THEMIS: variants seen among roughly 807,000 people sequenced by gnomAD.
The protein encoded by THEMIS is thymocyte selection associated.
In THEMIS, 37 loss-of-function variants were observed where a neutral mutation model predicts 52.6. The observed-to-expected ratio is 0.70, with a 90% confidence interval of 0.54 to 0.93. The LOEUF is 0.93. Ranked by LOEUF, THEMIS falls within the 40% of genes least tolerant of loss-of-function variation. The probability of loss-of-function intolerance (pLI) is 0.00; values close to 1 mark genes in which losing one functional copy is unlikely to be tolerated. For missense variants in THEMIS, 808 were observed against 763.1 expected (o/e 1.06, Z -0.69); for synonymous variants, 292 against 272.7 (o/e 1.07, Z -0.70).
At chr6:127,811,557 T>G (rs1053367128) in intron 4 of THEMIS, among the ~76,000 whole-genome samples, 1 of 152,226 alleles carries the variant, frequency 6.6e-6, no homozygotes, top group Non-Finnish European at 1.5e-5. Context: ...CTTGATGTCC[T>G]TAATTTTAAG....
At chr6:127,749,819 C>T (rs1027471639) in intron 4 of THEMIS, among the ~76,000 whole-genome samples, 10 of 151,144 alleles carry the variant, frequency 6.6e-5, no homozygotes, top group African/African-American at 2.4e-4. Flanking sequence ...CAAAATACAT[C>T]CTAGAGAATT....
At chr6:127,757,644 G>A (rs147057660) in intron 4 of THEMIS, among the ~76,000 whole-genome samples, 3,949 of 152,084 alleles carry the variant, frequency 0.026, 184 homozygotes, top group African/African-American at 0.091. Context: ...CACCACGCCC[G>A]GCTAGATTTT....
chr6:127,764,441 T>C (rs994715785), intron 4 of THEMIS, among the ~76,000 whole-genome samples: 1 of 151,946 alleles, frequency 6.6e-6, no homozygotes, highest in African/African-American at 2.4e-5. Context: ...ACTCCTATAA[T>C]CAATAAGAAT....
chr6:127,855,248 G>T, intron 1 of THEMIS, 60 bp from the exon 2 acceptor site: 2 of 1,371,882 alleles, frequency 1.5e-6, no homozygotes, highest in Non-Finnish European at 2.0e-6. Flanking sequence ...AAACAAAGTA[G>T]ACTCAAAAGC....
At chr6:127,916,041 C>G (rs1296076391) in intron 1 of THEMIS, among the ~76,000 whole-genome samples, 1 of 151,866 alleles carries the variant, frequency 6.6e-6, no homozygotes, top group Non-Finnish European at 1.5e-5. Context: ...CCCCCTAAAA[C>G]TAGGTGTCAG....
At chr6:127,898,851 G>T (rs1781049500) in intron 1 of THEMIS, among the ~76,000 whole-genome samples, 1 of 151,902 alleles carries the variant, frequency 6.6e-6, no homozygotes, top group South Asian at 2.1e-4. Flanking sequence ...ATTAGGTTAA[G>T]TGAAATAAGC....
At chr6:127,916,224 T>C (rs1223736519) in intron 1 of THEMIS, among the ~76,000 whole-genome samples, 1 of 151,700 alleles carries the variant, frequency 6.6e-6, no homozygotes, top group African/African-American at 2.4e-5. Flanking sequence ...ACCTAGGGAA[T>C]GAGTTAGAAA....
chr6:127,702,370 G>A, the THEMIS span, among the ~76,000 whole-genome samples: 1 of 151,980 alleles, frequency 6.6e-6, no homozygotes, highest in Admixed American at 6.5e-5. Flanking sequence ...CTGAAATTTT[G>A]TATTATTTGT....
intron 1 of THEMIS, among the ~76,000 whole-genome samples, chr6:127,899,510 T>G (rs1036571777): frequency 3.3e-5 from 5 of 151,880 alleles, no homozygotes; most frequent in African/African-American, 1.2e-4. Context: ...GCGGAAAGAT[T>G]GTCAGCTTAG....
At chr6:127,772,901 C>T (rs1414232127) in intron 4 of THEMIS, among the ~76,000 whole-genome samples, 8 of 152,112 alleles carry the variant, frequency 5.3e-5, no homozygotes, top group East Asian at 1.9e-4. Flanking sequence ...AGAATATTAA[C>T]ATTTGTTTAT....
intron 4 of THEMIS, among the ~76,000 whole-genome samples, chr6:127,761,953 C>A (rs1776036226): frequency 6.6e-6 from 1 of 152,092 alleles, no homozygotes; most frequent in Admixed American, 6.6e-5. Flanking sequence ...AGGAGCACTT[C>A]TATGTTCGTT....
At chr6:127,880,512 GA>G (rs35918303) in intron 1 of THEMIS, among the ~76,000 whole-genome samples, 5,497 of 108,682 alleles carry the variant, frequency 0.051, 150 homozygotes, top group Non-Finnish European at 0.067. Context: ...GAGTCCTGAG[GA>G]AAAAAAAAAA....
rs117716538 is a variant in THEMIS at position 127,870,152 on chromosome 6, C to G, written c.92-14964G>C. Among the ~76,000 whole-genome samples, 167 of 152,330 alleles carry G rather than the reference C, an allele frequency of 1.1e-3. 2 individuals carry two copies. In the East Asian group the frequency reaches 0.03, roughly 27 times the overall value. ...TTTCTCCTTCCCACTGAGGTGATGT[C>G]AGAGGATCTACTGAAAAATCAGGGA... On this transcript the variant is annotated intron_variant, in intron 1 of 5. Coordinates refer to ENST00000368248, the MANE Select transcript of THEMIS (RefSeq NM_001010923.3).
intron 1 of THEMIS, among the ~76,000 whole-genome samples, chr6:127,895,531 T>G (rs1780938697): frequency 6.6e-6 from 1 of 151,446 alleles, no homozygotes; most frequent in Non-Finnish European, 1.5e-5. Flanking sequence ...AATATAGCAA[T>G]ATATATATAC....
intron 4 of THEMIS, among the ~76,000 whole-genome samples, chr6:127,788,810 A>G (rs982972175): frequency 2.0e-5 from 3 of 152,204 alleles, no homozygotes; most frequent in African/African-American, 7.2e-5. Context: ...AATATTACAT[A>G]AATACAATGA....
Position 127,813,922 on chromosome 6 carries a change from T to G in THEMIS, c.719A>C (p.Asp240Ala). 6.5e-7 allele frequency: 1 copy of G among 1,544,582 alleles called. No individual in the cohort carries two copies. Among genetic ancestry groups the G allele is most frequent in the Non-Finnish European group, 8.7e-7 (1 of 1,150,204 alleles). The change falls in exon 4 of 6, where the codon GAT becomes GCT. Residue 240 changes from aspartate to alanine, a missense_variant. Asp to Ala is a moderately radical substitution (Grantham distance 126). Coordinates refer to ENST00000368248, the MANE Select transcript of THEMIS (RefSeq NM_001010923.3). ...EIQGVMKFRK[D>A]IIRILPSLDV... Reference sequence around the variant, plus strand: ...TAGACTGGGGAGGATGCGGATTATATCTTTTCGAACTAAAAAGAAAAAATA... The same window carrying G: ...TAGACTGGGGAGGATGCGGATTATAGCTTTTCGAACTAAAAAGAAAAAATA...
At chr6:127,727,774 T>C (rs1425854792) in intron 4 of THEMIS, among the ~76,000 whole-genome samples, 1 of 152,128 alleles carries the variant, frequency 6.6e-6, no homozygotes, top group Non-Finnish European at 1.5e-5. Flanking sequence ...AAATATAAAA[T>C]GCATGCTCTG....
At position 127,813,906 on chromosome 6, in the gene THEMIS, G is replaced by A. The variant is rs1260304403; in HGVS notation, c.735C>T (p.Leu245=). ...MKFRKDIIRI[L]PSLDVEVKDI... ...CTTTGACTTCGACATCTAGACTGGGGAGGATGCGGATTATATCTTTTCGAA... is the reference window on the plus strand; with the variant it reads ...CTTTGACTTCGACATCTAGACTGGGAAGGATGCGGATTATATCTTTTCGAA... Residue 245 remains leucine (L), a synonymous_variant, in exon 4 of 6, where the codon CTC becomes CTT. Coordinates refer to ENST00000368248, the MANE Select transcript of THEMIS (RefSeq NM_001010923.3). 2 of 1,580,286 alleles carry A rather than the reference G, an allele frequency of 1.3e-6. No homozygotes were observed. The highest frequency in any genetic ancestry group is 1.7e-6 in the Non-Finnish European group (2 of 1,167,900).
At chr6:127,775,357 T>G (rs1776530866) in intron 4 of THEMIS, among the ~76,000 whole-genome samples, 1 of 152,238 alleles carries the variant, frequency 6.6e-6, no homozygotes, top group Non-Finnish European at 1.5e-5. Context: ...AAAAGTGACG[T>G]CCACCTATTT....
Sources: gnomAD v4.1 joint callset for allele counts (sites outside exome capture counted in the v4.1 genomes callset) on GRCh38, gnomAD v4.1.1 for gene constraint, MANE v1.5 for transcripts, NCBI Gene and HGNC (gene_info 2026-07-23, HGNC 2026-07-21) for gene names.